Variants in RPAP3 observed in about 807,000 individuals in gnomAD.
RPAP3 encodes RNA polymerase II-associated protein 3.
In RPAP3, 58 loss-of-function variants were observed where a neutral mutation model predicts 88.8. That is an observed-to-expected ratio of 0.65 (90% confidence interval 0.53 to 0.81). The LOEUF is 0.81. Among genes scored for constraint, RPAP3 ranks in the 40% least tolerant of loss-of-function variants. The pLI, the probability that RPAP3 is intolerant of heterozygous loss-of-function variation, is 0.00. For synonymous variants in RPAP3, 255 were observed against 259.9 expected, an observed-to-expected ratio of 0.98 and a Z score of 0.18; for missense variants, 751 against 764.3, an observed-to-expected ratio of 0.98 and a Z score of 0.20.
At position 47,667,052 on chromosome 12, in the gene RPAP3, T is replaced by G. The variant is rs1213690888; in HGVS notation, c.1840A>C (p.Ile614Leu). Reference sequence around the variant, plus strand: ...TTTAGTTCAGAAAGTCTTTGTAAGATTTCAAAGATGAGTAATGGCTTTTCT... The same window carrying G: ...TTTAGTTCAGAAAGTCTTTGTAAGAGTTCAAAGATGAGTAATGGCTTTTCT... ...EKEKPLLIFE[I>L]LQRLSELKRF... Residue 614 changes from isoleucine to leucine, a missense_variant, in exon 16 of 17, where the codon ATC (isoleucine) becomes CTC (leucine). Coordinates refer to ENST00000005386, the MANE Select transcript of RPAP3 (RefSeq NM_024604.3). 2.6e-5 allele frequency: 40 copies of G among 1,511,322 alleles called. No homozygotes were observed. The highest frequency in any genetic ancestry group is 3.5e-5 in the Non-Finnish European group (40 of 1,133,242). 93.6% of individuals were successfully genotyped at this position (1,511,322 alleles called of 1,614,324 possible). A position where few individuals can be genotyped will look rare whatever the true frequency, so the allele number is the denominator to read the frequency against.
intron 3 of RPAP3, among the ~76,000 whole-genome samples, chr12:47,698,995 C>T (rs1342157975): frequency 6.6e-6 from 1 of 152,148 alleles, no homozygotes; most frequent in African/African-American, 2.4e-5. Flanking sequence ...TGTGTTTTAG[C>T]ATGAAGATTC....
chr12:47,680,802 T>C (rs1168027860), intron 10 of RPAP3, among the ~76,000 whole-genome samples: 3 of 151,456 alleles, frequency 2.0e-5, no homozygotes, highest in Non-Finnish European at 2.9e-5. Context: ...TTATCCTCCA[T>C]TCCCTACCTG....
intron 5 of RPAP3, among the ~76,000 whole-genome samples, chr12:47,693,103 A>G (rs1939459827): frequency 1.3e-5 from 2 of 151,676 alleles, no homozygotes; most frequent in East Asian, 3.9e-4. Context: ...CTGGTCTCCA[A>G]CTCCTGACCT....
chr12:47,665,709 T>C (rs1286995440), intron 16 of RPAP3, among the ~76,000 whole-genome samples: 1 of 152,056 alleles, frequency 6.6e-6, no homozygotes, highest in Non-Finnish European at 1.5e-5. Flanking sequence ...GCCACAATCA[T>C]GGCTCACTGC....
intron 12 of RPAP3, 130 bp from the exon 13 acceptor site, chr12:47,670,475 G>A: frequency 1.6e-6 from 1 of 614,414 alleles, no homozygotes; most frequent in South Asian, 2.1e-5. Flanking sequence ...TTGGTGGCTA[G>A]ACAGACTTAG....
chr12:47,691,262 A>T (rs1377828857), intron 5 of RPAP3, among the ~76,000 whole-genome samples: 1 of 152,196 alleles, frequency 6.6e-6, no homozygotes, highest in African/African-American at 2.4e-5. Context: ...ACCAAGAATA[A>T]ATTCTATCTC....
intron 16 of RPAP3, among the ~76,000 whole-genome samples, chr12:47,665,743 C>T (rs1019762892): frequency 1.3e-5 from 2 of 151,884 alleles, no homozygotes; most frequent in Non-Finnish European, 2.9e-5. Context: ...CGTGCTGAAA[C>T]GATTCTCCCA....
chr12:47,695,538 T>C (rs941721960), intron 5 of RPAP3, among the ~76,000 whole-genome samples: 1 of 152,096 alleles, frequency 6.6e-6, no homozygotes, highest in African/African-American at 2.4e-5. Flanking sequence ...GGTTCTTAAG[T>C]TGAGAGGGGT....
At chr12:47,705,198 T>G (rs1446061494) in intron 1 of RPAP3, among the ~76,000 whole-genome samples, 7 of 151,510 alleles carry the variant, frequency 4.6e-5, no homozygotes, top group Non-Finnish European at 1.0e-4. Flanking sequence ...GGAAGAGAAG[T>G]AAGGTGGGAG....
Position 47,661,712 on chromosome 12 carries a change from A to T in RPAP3, c.*1793T>A, listed in dbSNP as rs1938762762. The stretch of plus-strand genomic sequence containing the variant: ...AACACAACATAAAAACTGCAGCTGG[A>T]AGTAGTTCAAATAGCTCTACATTAA... On this transcript the variant is annotated 3_prime_UTR_variant, in exon 17 of 17. Coordinates refer to ENST00000005386, the MANE Select transcript of RPAP3 (RefSeq NM_024604.3). 6.6e-6 allele frequency: 1 copy of T among 152,262 alleles called. No individual in the cohort carries two copies. The highest frequency in any genetic ancestry group is 2.1e-4 in the South Asian group (1 of 4,832). 9.4% of individuals were successfully genotyped at this position (152,262 alleles called of 1,614,324 possible).
chr12:47,680,198 G>A (rs560530246), intron 10 of RPAP3, among the ~76,000 whole-genome samples: 1 of 152,268 alleles, frequency 6.6e-6, no homozygotes, highest in East Asian at 1.9e-4. Flanking sequence ...AATAAGCAGA[G>A]GCAAAAGGAC....
At chr12:47,680,001 T>C (rs772784165) in intron 10 of RPAP3, among the ~76,000 whole-genome samples, 4 of 152,136 alleles carry the variant, frequency 2.6e-5, no homozygotes, top group African/African-American at 7.2e-5. Context: ...ACTTTAAAGG[T>C]GATAAAACTG....
rs763412726 is a variant in RPAP3 at position 47,686,795 on chromosome 12, T to C, written c.977A>G (p.Tyr326Cys). The change falls in exon 9 of 17, where the codon TAT becomes TGT. Residue 326 changes from tyrosine to cysteine, a missense_variant. By Grantham distance (194) the Tyr-to-Cys change is radical. Coordinates refer to ENST00000005386, the MANE Select transcript of RPAP3 (RefSeq NM_024604.3). ...ALLPANRAMAYLKIQKYEEAE... is the reference protein window; with the variant it reads ...ALLPANRAMACLKIQKYEEAE... ...CAATACTTACTTCTGAATCTTCAGATAGGCCATAGCTCTGTTAGCTGGAAG... is the reference window on the plus strand; with the variant it reads ...CAATACTTACTTCTGAATCTTCAGACAGGCCATAGCTCTGTTAGCTGGAAG... The C allele has an allele frequency of 1.3e-6, 2 of 1,582,924 alleles. No individual in the cohort carries two copies. Among genetic ancestry groups the C allele is most frequent in the South Asian group, 2.4e-5 (2 of 85,090 alleles).
Position 47,686,545 on chromosome 12 carries a change from T to TACACACACACACACAC in RPAP3, c.992+219_992+234dup, listed in dbSNP as rs59485150. Among the ~76,000 whole-genome samples the TACACACACACACACAC allele has an allele frequency of 3.3e-3, 480 of 145,422 alleles. 3 individuals are homozygous for TACACACACACACACAC. Among genetic ancestry groups the TACACACACACACACAC allele is most frequent in the Non-Finnish European group, 4.3e-3 (286 of 65,770 alleles). ...AGGTACATAAACACACACATACACA[T>TACACACACACACACAC]ACACACACACACACACACACACACA... is the stretch of plus-strand genomic sequence containing the variant. On this transcript the variant is annotated intron_variant, in intron 9 of 16. Transcript: ENST00000005386.
chr12:47,677,918 C>CA (rs1939149086), intron 12 of RPAP3, among the ~76,000 whole-genome samples: 1 of 152,048 alleles, frequency 6.6e-6, no homozygotes, highest in South Asian at 2.1e-4. Flanking sequence ...CATATGGAAC[C>CA]AAAAAAGAGC....
rs143503451 is a variant in RPAP3, at chr12:47,665,195, C to T, written c.1913-1605G>A. 1.7e-3 allele frequency among the ~76,000 whole-genome samples: 257 copies of T among 151,000 alleles called. 4 individuals carry two copies. Among genetic ancestry groups the T allele is most frequent in the African/African-American group, 5.8e-3 (240 of 41,074 alleles). Reference sequence around the variant, plus strand: ...GCAACCTATGCCTCCTGGATTCAAGCGATTGATTCTCCTGCCTGAGCCTCC... The same window carrying T: ...GCAACCTATGCCTCCTGGATTCAAGTGATTGATTCTCCTGCCTGAGCCTCC... On this transcript the variant is annotated intron_variant, in intron 16 of 16. Coordinates refer to ENST00000005386, the MANE Select transcript of RPAP3 (RefSeq NM_024604.3).
intron 9 of RPAP3, among the ~76,000 whole-genome samples, chr12:47,685,278 T>A (rs1263866596): frequency 6.6e-6 from 1 of 151,316 alleles, no homozygotes. Flanking sequence ...ACTTGGGAGG[T>A]TGAGGCAGGA....
chr12:47,684,815 A>C (rs923675280), intron 9 of RPAP3, among the ~76,000 whole-genome samples: 1 of 152,232 alleles, frequency 6.6e-6, no homozygotes, highest in African/African-American at 2.4e-5. Context: ...CAAAATTTTC[A>C]TAAGTGAGCA....
chr12:47,703,161 C>T (rs1022246341), intron 1 of RPAP3, among the ~76,000 whole-genome samples: 1 of 152,114 alleles, frequency 6.6e-6, no homozygotes, highest in Non-Finnish European at 1.5e-5. Flanking sequence ...TGGAGTTGAG[C>T]GATTACCTCC....
Sources: gnomAD v4.1 joint callset for allele counts (sites outside exome capture counted in the v4.1 genomes callset) on GRCh38, gnomAD v4.1.1 for gene constraint, MANE v1.5 for transcripts, NCBI Gene and HGNC (gene_info 2026-07-23, HGNC 2026-07-21) for gene names.